The following TAFA2 variants were observed in gnomAD, a reference collection of about 807,000 sequenced individuals.
The protein encoded by TAFA2 is TAFA chemokine like family member 2.
TAFA2 carries 7 observed loss-of-function variants against 18.8 expected under a neutral mutation model. That is an observed-to-expected ratio of 0.37 (90% CI 0.21 to 0.70). The LOEUF (loss-of-function observed/expected upper bound fraction) is 0.70, where lower values mean the gene tolerates loss of function less well. Ranked by LOEUF, TAFA2 falls within the 30% of genes least tolerant of loss-of-function variation. The pLI is 0.53. For missense variants in TAFA2, 122 were observed against 158.1 expected (o/e 0.77, Z 1.23); for synonymous variants, 60 against 54.2 (o/e 1.11, Z -0.47).
At chr12:62,250,260 A>G (rs1457696626) in intron 1 of TAFA2, among the ~76,000 whole-genome samples, 1 of 152,220 alleles carries the variant, frequency 6.6e-6, no homozygotes, top group African/African-American at 2.4e-5. Context: ...ATATTCTGGC[A>G]TATATTTCTG....
At chr12:61,890,765 T>TCTC (rs1027662371) in intron 1 of TAFA2, among the ~76,000 whole-genome samples, 3 of 152,166 alleles carry the variant, frequency 2.0e-5, no homozygotes, top group African/African-American at 7.2e-5. Context: ...ATGCCAGACT[T>TCTC]CTCCCCGGGG....
Position 61,931,526 on chromosome 12 carries a change from C to T in TAFA2, c.-1-64100G>A, listed in dbSNP as rs140599684. 4.5e-3 allele frequency among the ~76,000 whole-genome samples: 690 copies of T among 152,294 alleles called. 4 individuals are homozygous for T. The highest frequency in any genetic ancestry group is 0.01 in the Middle Eastern group (3 of 294). ...GTGAATGAGAAAACCACACACCTAT[C>T]GTGGAATTTTTATTGCAGCTTACCT... On this transcript the variant is annotated intron_variant, in intron 1 of 4. Transcript: ENST00000416284.
chr12:61,809,619 T>G (rs2121000010), intron 2 of TAFA2, among the ~76,000 whole-genome samples: 1 of 151,434 alleles, frequency 6.6e-6, no homozygotes, highest in African/African-American at 2.5e-5. Context: ...TAGAGCATTT[T>G]TAATTTAAAA....
chr12:62,147,729 C>CAA lies in TAFA2; in HGVS notation c.-2+43528_-2+43529dup, dbSNP rs10552283. On this transcript the variant is annotated intron_variant, in intron 1 of 4. Coordinates refer to ENST00000416284, the MANE Select transcript of TAFA2 (RefSeq NM_178539.5). ...TGGGCAACAGAGCAAGACTCTGTCT[C>CAA]AAAAAAAAAAAAAAAAAAAAAAGAA... 1.5e-3 allele frequency among the ~76,000 whole-genome samples: 111 copies of CAA among 76,350 alleles called. 1 individual carries two copies. Among genetic ancestry groups the CAA allele is most frequent in the Non-Finnish European group, 2.1e-3 (84 of 39,668 alleles). 50.1% of individuals were successfully genotyped at this position (76,350 alleles called of 152,430 possible).
At chr12:62,128,293 C>G (rs1040551153) in intron 1 of TAFA2, among the ~76,000 whole-genome samples, 1 of 151,974 alleles carries the variant, frequency 6.6e-6, no homozygotes, top group Non-Finnish European at 1.5e-5. Context: ...TCCTAGAAGC[C>G]ACATGCTTGT....
chr12:62,069,292 A>C (rs561664746), intron 1 of TAFA2, among the ~76,000 whole-genome samples: 4 of 152,176 alleles, frequency 2.6e-5, no homozygotes, highest in Admixed American at 6.5e-5. Flanking sequence ...GTTTCTTTAA[A>C]GGTGTGTTTT....
chr12:61,997,222 C>A, intron 1 of TAFA2, among the ~76,000 whole-genome samples: 1 of 136,300 alleles, frequency 7.3e-6, no homozygotes, highest in African/African-American at 2.6e-5. Flanking sequence ...ATTAAGTGGT[C>A]GTAAGTGCAA....
At chr12:62,146,762 T>G (rs2062284452) in intron 1 of TAFA2, among the ~76,000 whole-genome samples, 1 of 152,182 alleles carries the variant, frequency 6.6e-6, no homozygotes, top group African/African-American at 2.4e-5. Context: ...ACCTTTTCCA[T>G]GACCCTGACA....
chr12:61,759,843 A>G (rs1044272227), intron 2 of TAFA2, among the ~76,000 whole-genome samples: 3 of 152,030 alleles, frequency 2.0e-5, no homozygotes, highest in African/African-American at 7.2e-5. Context: ...ATAATGGGAT[A>G]ATGACATTGG....
intron 1 of TAFA2, among the ~76,000 whole-genome samples, chr12:61,950,912 T>C (rs1212725237): frequency 6.6e-6 from 1 of 152,142 alleles, no homozygotes; most frequent in Non-Finnish European, 1.5e-5. Context: ...CTCTCTACCA[T>C]CAACCTTCTT....
intron 1 of TAFA2, among the ~76,000 whole-genome samples, chr12:62,230,552 T>G (rs1235314304): frequency 6.6e-6 from 1 of 152,238 alleles, no homozygotes; most frequent in Admixed American, 6.5e-5. Flanking sequence ...TCTAGTCTTA[T>G]TCCATTGTGG....
intron 1 of TAFA2, among the ~76,000 whole-genome samples, chr12:62,057,183 T>C (rs900051828): frequency 6.6e-6 from 1 of 152,246 alleles, no homozygotes; most frequent in Admixed American, 6.5e-5. Flanking sequence ...AGTTTTCTAT[T>C]TCTTCTTGAA....
At chr12:62,033,154 A>G (rs1881505592) in intron 1 of TAFA2, among the ~76,000 whole-genome samples, 1 of 152,126 alleles carries the variant, frequency 6.6e-6, no homozygotes. Flanking sequence ...TTGCTTTTCA[A>G]AGGCTGGAAT....
At position 62,037,314 on chromosome 12, in the gene TAFA2, T is replaced by C. The variant is rs529059159; in HGVS notation, c.-2+153945A>G. Among the ~76,000 whole-genome samples the C allele has an allele frequency of 2.0e-5, 3 of 152,320 alleles. No individual in the cohort carries two copies. The East Asian group carries it at 5.8e-4, about 29-fold the overall frequency. On this transcript the variant is annotated intron_variant, in intron 1 of 4. Coordinates refer to ENST00000416284, the MANE Select transcript of TAFA2 (RefSeq NM_178539.5). Reference sequence around the variant, plus strand: ...CCAATAACCAAGAAGCAAGATCCAATGTCCTTAAGCACACTAGAAGGAAAG... The same window carrying C: ...CCAATAACCAAGAAGCAAGATCCAACGTCCTTAAGCACACTAGAAGGAAAG...
At chr12:61,931,821 A>G (rs1877567870) in intron 1 of TAFA2, among the ~76,000 whole-genome samples, 1 of 152,214 alleles carries the variant, frequency 6.6e-6, no homozygotes, top group African/African-American at 2.4e-5. Context: ...AAAGTAATAT[A>G]CAGCAGACCA....
At chr12:61,788,330 T>C (rs182826828) in intron 2 of TAFA2, among the ~76,000 whole-genome samples, 1 of 151,650 alleles carries the variant, frequency 6.6e-6, no homozygotes, top group Non-Finnish European at 1.5e-5. Context: ...AACACTGAAT[T>C]TAAACTGCAC....
intron 2 of TAFA2, among the ~76,000 whole-genome samples, chr12:61,786,113 T>A (rs1397769928): frequency 6.6e-6 from 1 of 151,378 alleles, no homozygotes; most frequent in African/African-American, 2.4e-5. Flanking sequence ...GAAAGAAACA[T>A]CCACAAAGAT....
chr12:61,827,110 T>C (rs903803263), intron 2 of TAFA2: 1 of 152,044 alleles, frequency 6.6e-6, no homozygotes, highest in Non-Finnish European at 1.5e-5. Flanking sequence ...GTGATGCCAA[T>C]AGAAGTCTGA....
chr12:61,951,173 C>T (rs946046636), intron 1 of TAFA2, among the ~76,000 whole-genome samples: 3 of 152,082 alleles, frequency 2.0e-5, no homozygotes, highest in Non-Finnish European at 2.9e-5. Flanking sequence ...TCAATAGCAA[C>T]GGAGGATATG....
Sources: allele counts gnomAD v4.1 joint callset (sites outside exome capture counted in the v4.1 genomes callset), GRCh38; gene constraint gnomAD v4.1.1; transcripts MANE v1.5; gene names NCBI Gene and HGNC (gene_info 2026-07-23, HGNC 2026-07-21).